Variants in LRP1B observed in about 807,000 individuals in gnomAD.
LRP1B encodes the protein LDL receptor related protein 1B.
LRP1B carries 217 observed loss-of-function variants against 556.6 expected under a neutral mutation model. The ratio of observed to expected loss-of-function variants is 0.39; its 90% CI spans 0.35 to 0.44. LRP1B has a LOEUF of 0.44. LRP1B is among the 20% of genes least tolerant of loss of function. The pLI, the probability that LRP1B is intolerant of heterozygous loss-of-function variation, is 1.00. For missense variants in LRP1B, 5,053 were observed against 5,620.8 expected (o/e 0.90, Z 3.23); for synonymous variants, 2,047 against 1,865.8 (o/e 1.10, Z -2.50).
chr2:141,452,503 T>C (rs1681457899), intron 3 of LRP1B, among the ~76,000 whole-genome samples: 1 of 152,244 alleles, frequency 6.6e-6, no homozygotes, highest in Non-Finnish European at 1.5e-5. Flanking sequence ...AATTCTATAC[T>C]GTTTTCTGTA....
intron 1 of LRP1B, among the ~76,000 whole-genome samples, chr2:142,123,863 T>C (rs1707546154): frequency 6.6e-6 from 1 of 151,934 alleles, no homozygotes; most frequent in African/African-American, 2.4e-5. Flanking sequence ...GGATCTGTGG[T>C]ACAAATGTAT....
intron 1 of LRP1B, among the ~76,000 whole-genome samples, chr2:142,082,602 G>A (rs1705762204): frequency 6.6e-6 from 1 of 152,176 alleles, no homozygotes; most frequent in African/African-American, 2.4e-5. Flanking sequence ...TTGGAGTATA[G>A]TTGTTAAGAG....
chr2:141,599,868 ACTGT>A (rs111861102), intron 2 of LRP1B, among the ~76,000 whole-genome samples: 4 of 152,128 alleles, frequency 2.6e-5, no homozygotes, highest in African/African-American at 9.6e-5. Flanking sequence ...ATGTCCCCAC[ACTGT>A]CTCTGTTCTA....
rs866660848 is a variant in LRP1B, at chr2:140,492,673, G to A, written c.9055C>T (p.Leu3019Phe). 6.2e-7 allele frequency: 1 copy of A among 1,612,866 alleles called. No individual in the cohort carries two copies. ...TTCCTTATCTCATGATGATCAGCAA[G>A]AATTAAAAAAGGTTCTTCATCTAAA... The part of the protein sequence containing the change: ...SLSDEEPFLI[L>F]ADHHEIRKIS... The change falls in exon 57 of 91, where the codon CTT becomes TTT. Residue 3019 changes from leucine to phenylalanine, a missense_variant. Physicochemically the swap from Leu to Phe is conservative, Grantham distance 22 (BLOSUM62 0). Transcript: ENST00000389484.
chr2:140,333,629 A>G (rs1680928563), intron 79 of LRP1B, among the ~76,000 whole-genome samples: 2 of 152,122 alleles, frequency 1.3e-5, no homozygotes, highest in Non-Finnish European at 2.9e-5. Flanking sequence ...AAAAGATATT[A>G]CAATGCATAA....
At chr2:140,600,309 T>G (rs1433141834) in intron 42 of LRP1B, among the ~76,000 whole-genome samples, 1 of 152,112 alleles carries the variant, frequency 6.6e-6, no homozygotes, top group Non-Finnish European at 1.5e-5. Flanking sequence ...AACCGTATTC[T>G]CATAGGACAG....
At chr2:142,017,863 A>G (rs1703200105) in intron 1 of LRP1B, among the ~76,000 whole-genome samples, 1 of 152,180 alleles carries the variant, frequency 6.6e-6, no homozygotes, top group Non-Finnish European at 1.5e-5. Context: ...CCTGGGCAAC[A>G]GAGCGAGACC....
intron 7 of LRP1B, among the ~76,000 whole-genome samples, chr2:141,185,170 C>T (rs1249429): frequency 0.37 from 56,129 of 151,806 alleles, 10,982 homozygotes; most frequent in East Asian, 0.74. Context: ...TTTCAACAGC[C>T]CTGCAGGGCA....
At chr2:140,846,117 C>T (rs1692266438) in intron 29 of LRP1B, among the ~76,000 whole-genome samples, 2 of 151,990 alleles carry the variant, frequency 1.3e-5, no homozygotes, top group South Asian at 4.1e-4. Context: ...AAAAGAATGA[C>T]AATTAGAAAA....
intron 2 of LRP1B, among the ~76,000 whole-genome samples, chr2:141,545,111 C>A (rs138200385): frequency 6.6e-6 from 1 of 152,180 alleles, no homozygotes; most frequent in East Asian, 1.9e-4. Flanking sequence ...CAGATTCACA[C>A]AGCTAAGAAG....
intron 32 of LRP1B, among the ~76,000 whole-genome samples, chr2:140,787,353 T>C (rs1689941593): frequency 6.6e-6 from 1 of 152,120 alleles, no homozygotes; most frequent in Non-Finnish European, 1.5e-5. Context: ...TCCACTCACT[T>C]CTACTCCCAT....
At chr2:141,722,753 G>GATAA (rs1692875870) in intron 2 of LRP1B, among the ~76,000 whole-genome samples, 1 of 151,842 alleles carries the variant, frequency 6.6e-6, no homozygotes, top group Non-Finnish European at 1.5e-5. Context: ...TAGATAGATA[G>GATAA]ATAGATAGAT....
chr2:141,267,849 G>T (rs1264567810), intron 3 of LRP1B, among the ~76,000 whole-genome samples: 4 of 152,156 alleles, frequency 2.6e-5, no homozygotes, highest in African/African-American at 9.7e-5. Flanking sequence ...ATAATAGGAT[G>T]GAGGTAGTAG....
At chr2:141,894,632 T>TCTAG (rs1558945574) in intron 1 of LRP1B, among the ~76,000 whole-genome samples, 157 of 132,948 alleles carry the variant, frequency 1.2e-3, no homozygotes, top group African/African-American at 3.6e-3. Context: ...CTAAATAGAA[T>TCTAG]ATTTAGATCT....
intron 66 of LRP1B, among the ~76,000 whole-genome samples, chr2:140,422,094 T>G (rs1406405494): frequency 6.6e-6 from 1 of 152,204 alleles, no homozygotes; most frequent in African/African-American, 2.4e-5. Context: ...ATTTCTTTTC[T>G]TCACTCCTCA....
chr2:141,103,868 T>C (rs1243007562), intron 7 of LRP1B, among the ~76,000 whole-genome samples: 1 of 151,946 alleles, frequency 6.6e-6, no homozygotes, highest in African/African-American at 2.4e-5. Flanking sequence ...AAAGTCTTTT[T>C]TCAAAGAGGT....
At chr2:142,105,069 G>T (rs541300173) in intron 1 of LRP1B, among the ~76,000 whole-genome samples, 49 of 152,268 alleles carry the variant, frequency 3.2e-4, no homozygotes, top group Middle Eastern at 3.4e-3. Context: ...ACACTGTGAG[G>T]GAAGGAGGCT....
chr2:140,835,152 G>A (rs1259092036), intron 31 of LRP1B, among the ~76,000 whole-genome samples: 1 of 152,174 alleles, frequency 6.6e-6, no homozygotes, highest in Non-Finnish European at 1.5e-5. Flanking sequence ...GCAGACACAG[G>A]AATAGTTCTG....
intron 1 of LRP1B, among the ~76,000 whole-genome samples, chr2:141,964,977 C>CA (rs1701514285): frequency 6.8e-6 from 1 of 147,524 alleles, no homozygotes; most frequent in South Asian, 2.2e-4. Context: ...TTTATGCAGC[C>CA]AAAAAACACA....
Sources: gnomAD v4.1 joint callset for allele counts (sites outside exome capture counted in the v4.1 genomes callset) on GRCh38, gnomAD v4.1.1 for gene constraint, MANE v1.5 for transcripts, NCBI Gene and HGNC (gene_info 2026-07-23, HGNC 2026-07-21) for gene names.